DLL1: variants seen among roughly 807,000 people sequenced by gnomAD.
DLL1 encodes delta-like protein 1.
In DLL1, 9 loss-of-function variants were observed where a neutral mutation model predicts 75.1. The observed-to-expected ratio is 0.12, with a 90% confidence interval of 0.07 to 0.21. The LOEUF (loss-of-function observed/expected upper bound fraction) is 0.21, where lower values mean the gene tolerates loss of function less well. Ranked by LOEUF, DLL1 falls within the 10% of genes least tolerant of loss-of-function variation. DLL1 has a pLI of 1.00. For synonymous variants in DLL1, 477 were observed against 418.3 expected (o/e 1.14, Z -1.71); for missense variants, 837 against 1,007.6 (o/e 0.83, Z 2.29).
intron 4 of DLL1, among the ~76,000 whole-genome samples, chr6:170,287,759 C>G (rs1335165809): frequency 6.6e-6 from 1 of 152,202 alleles, no homozygotes; most frequent in East Asian, 1.9e-4. Context: ...CAGGGAGTAT[C>G]CGGAAAGGCG....
intron 5 of DLL1, 34 bp from the exon 6 acceptor site, chr6:170,285,733 G>C: frequency 1.2e-6 from 2 of 1,613,856 alleles, no homozygotes; most frequent in Admixed American, 1.7e-5. Flanking sequence ...GATGGACGTT[G>C]ACTGTTGCTG....
At chr6:170,287,272 C>G (rs934489837) in intron 4 of DLL1, among the ~76,000 whole-genome samples, 1 of 152,206 alleles carries the variant, frequency 6.6e-6, no homozygotes, top group Non-Finnish European at 1.5e-5. Flanking sequence ...CCAGGCACTA[C>G]CCAGCTCCTG....
chr6:170,288,921 G>C, intron 2 of DLL1, 132 bp from the exon 3 acceptor site: 1 of 974,290 alleles, frequency 1.0e-6, no homozygotes, highest in Non-Finnish European at 1.6e-6. Flanking sequence ...AGCGTGTCTG[G>C]AGAGGGTCTC....
At chr6:170,285,485 C>A in intron 6 of DLL1, 62 bp from the exon 7 acceptor site, 1 of 1,614,136 alleles carries the variant, frequency 6.2e-7, no homozygotes, top group East Asian at 2.2e-5. Context: ...TGCAGGAAGA[C>A]TTTATTTTTC....
Position 170,285,235 on chromosome 6 carries a change from C to CA in DLL1, c.1032+18dup. On this transcript the variant is annotated intron_variant, in intron 7 of 10. Coordinates refer to ENST00000366756, the MANE Select transcript of DLL1 (RefSeq NM_005618.4). ...GCACCCCAGCTTCCGGGTGAGATGC[C>CA]ATGGAGCCTCCGACTCACCGTGCAG... The CA allele has an allele frequency of 6.2e-7, 1 of 1,614,168 alleles. No homozygotes were observed. The highest frequency in any genetic ancestry group is 8.5e-7 in the Non-Finnish European group (1 of 1,180,034).
intron 2 of DLL1, chr6:170,289,151 T>C (rs1318453851): frequency 1.7e-6 from 1 of 592,052 alleles, no homozygotes. Context: ...GCGGTCGCGC[T>C]GCGCGGGTAA....
In DLL1 at chr6:170,283,366, G is replaced by T. The variant is rs780734657; in HGVS notation, c.1913C>A (p.Ala638Glu). 6.2e-7 allele frequency: 1 copy of T among 1,612,170 alleles called. No homozygotes were observed. Among genetic ancestry groups the T allele is most frequent in the Non-Finnish European group, 8.5e-7 (1 of 1,180,034 alleles). The change falls in exon 9 of 11, where the codon GCG becomes GAG. Residue 638 changes from alanine (A) to glutamate (E), a missense_variant. This residue lies in a region of DLL1 where 533 missense variants were observed against 545.7 expected (regional missense o/e 0.98). Transcript: ENST00000366756. ...GTCCTGCACGAGGTTATAGTCCACC[G>T]CTGGGTAGCGGGCCTTGAAGCCATT... The part of the protein sequence containing the change: ...DKNGFKARYP[A>E]VDYNLVQDLK...
chr6:170,282,921 A>G lies in DLL1; in HGVS notation c.2167-42T>C, dbSNP rs80106486. ...CAAATGGGAAGTTAGCCTGAGACCG[A>G]TTCCCGTGCTCCAGCTTCAGGTGCT... On this transcript the variant is annotated intron_variant, in intron 10 of 10. Coordinates refer to ENST00000366756, the MANE Select transcript of DLL1 (RefSeq NM_005618.4). 5.0e-3 allele frequency: 8,082 copies of G among 1,614,200 alleles called. 325 individuals carry two copies. The African/African-American group carries it at 0.092, about 18-fold the overall frequency.
intron 4 of DLL1, 138 bp from the exon 5 acceptor site, chr6:170,286,436 A>G (rs1438767927): frequency 9.4e-7 from 1 of 1,063,314 alleles, no homozygotes; most frequent in East Asian, 2.4e-5. Context: ...GTTGTGGAGG[A>G]CTGACCCCCC....
intron 1 of DLL1, 57 bp from the exon 2 acceptor site, chr6:170,289,865 T>C: frequency 6.6e-7 from 1 of 1,521,472 alleles, no homozygotes; most frequent in Non-Finnish European, 8.9e-7. Flanking sequence ...CTAGGGGGCG[T>C]GAGGCCTGGG....
chr6:170,288,102 T>C (rs1177610094), intron 4 of DLL1, 137 bp downstream of exon 4: 1 of 1,339,288 alleles, frequency 7.5e-7, no homozygotes, highest in African/African-American at 1.4e-5. Flanking sequence ...AGCAATCCAC[T>C]TCTGTCCTCT....
chr6:170,283,700 G>C lies in DLL1; in HGVS notation c.1579C>G (p.Pro527Ala). ...TTCTCAGTGAGGTCCACCACCGCTG[G>C]GCCCGGGGGCAGCTCGGGGAGCAGG... is the stretch of plus-strand genomic sequence containing the variant. Reference protein sequence around the residue: ...QFLLPELPPGPAVVDLTEKLE... With the variant: ...QFLLPELPPGAAVVDLTEKLE... Residue 527 changes from proline (P) to alanine (A), a missense_variant, in exon 9 of 11, where the codon CCA (proline) becomes GCA (alanine). Physicochemically the swap from Pro to Ala is conservative, Grantham distance 27. Transcript: ENST00000366756. The C allele has an allele frequency of 6.4e-7, 1 of 1,556,322 alleles. No individual in the cohort carries two copies.
Position 170,283,006 on chromosome 6 carries a change from C to T in DLL1, c.2148G>A (p.Glu716=). ...CACTGACCTCAGTTGCTATGACGCA[C>T]TCATCCTTCTCCTCGGATATGACGT... ...SVYVISEEKD[E]CVIATEV is the part of the protein sequence containing the mutation. Residue 716 remains glutamate (E), a synonymous_variant, in exon 10 of 11, where the codon GAG becomes GAA. Coordinates refer to ENST00000366756, the MANE Select transcript of DLL1 (RefSeq NM_005618.4). 6.2e-7 allele frequency: 1 copy of T among 1,614,186 alleles called. No homozygotes were observed. Among genetic ancestry groups the T allele is most frequent in the Admixed American group, 1.7e-5 (1 of 60,030 alleles).
rs1368731229 is a variant in DLL1 at position 170,290,929 on chromosome 6, G to A, written c.-790C>T. On this transcript the variant is annotated 5_prime_UTR_variant, in exon 1 of 11. Coordinates refer to ENST00000366756, the MANE Select transcript of DLL1 (RefSeq NM_005618.4). This position sits in a 1 kb window ranked among gnomAD's most constrained non-coding sequence, Gnocchi z 4.7. ...CTCCGCGGGTGCGCGCAGAGGATCT[G>A]GCTCTCGCCGGCGCCTGCCGCCCTT... 1 of 698,092 alleles carries A rather than the reference G, an allele frequency of 1.4e-6. No homozygotes were observed. The highest frequency in any genetic ancestry group is 2.0e-5 in the Admixed American group (1 of 49,864). The allele number at this position is 698,092 out of a possible 1,614,324, so 43.2% of individuals were successfully genotyped here. A position where few individuals can be genotyped will look rare whatever the true frequency, so the allele number is the denominator to read the frequency against.
intron 2 of DLL1, 88 bp from the exon 3 acceptor site, chr6:170,288,877 A>G: frequency 1.4e-6 from 2 of 1,453,038 alleles, no homozygotes; most frequent in Non-Finnish European, 1.9e-6. Context: ...CAGCCAGGTC[A>G]GCAACAGAGG....
rs969801924 is a variant in DLL1 at position 170,283,710 on chromosome 6, C to T, written c.1569G>A (p.Leu523=). ...GPNCQFLLPE[L]PPGPAVVDLT... ...GGTCCACCACCGCTGGGCCCGGGGG[C>T]AGCTCGGGGAGCAGGAACTGGCAGT... is the stretch of plus-strand genomic sequence containing the variant. Residue 523 remains leucine (L), a synonymous_variant, in exon 9 of 11, where the codon CTG becomes CTA. Transcript: ENST00000366756. The T allele has an allele frequency of 6.4e-6, 10 of 1,551,620 alleles. No homozygotes were observed. Among genetic ancestry groups the T allele is most frequent in the Non-Finnish European group, 3.5e-6 (4 of 1,148,328 alleles).
In DLL1 at chr6:170,283,244, T is replaced by C. The variant is rs1428845419; in HGVS notation, c.2035A>G (p.Thr679Ala). ...GSSGEEKGTP[T>A]TLRGGEASER... Reference sequence around the variant, plus strand: ...CGCAGCACGCACCCCCTGAGTGTGGTCGGGGTCCCCTTCTCCTCCCCTGAG... The same window carrying C: ...CGCAGCACGCACCCCCTGAGTGTGGCCGGGGTCCCCTTCTCCTCCCCTGAG... Residue 679 changes from threonine to alanine, a missense_variant, in exon 9 of 11, where the codon ACC (threonine) becomes GCC (alanine). Around this residue, in one of 2 missense-constraint regions of DLL1, gnomAD observed 533 missense variants for 545.7 expected, o/e 0.98. Coordinates refer to ENST00000366756, the MANE Select transcript of DLL1 (RefSeq NM_005618.4). The C allele has an allele frequency of 1.2e-6, 2 of 1,612,638 alleles. No homozygotes were observed. The highest frequency in any genetic ancestry group is 2.2e-5 in the East Asian group (1 of 44,846).
chr6:170,289,865 T>G (rs1489923994), intron 1 of DLL1, 57 bp from the exon 2 acceptor site: 1 of 1,521,354 alleles, frequency 6.6e-7, no homozygotes, highest in Admixed American at 2.0e-5. Context: ...CTAGGGGGCG[T>G]GAGGCCTGGG....
chr6:170,284,178 A>C, intron 8 of DLL1, 149 bp from the exon 9 acceptor site: 2 of 1,048,382 alleles, frequency 1.9e-6, no homozygotes, highest in Admixed American at 4.0e-5. Flanking sequence ...GCAAGGTGAC[A>C]TGGTTTAGGA....
Sources: gnomAD v4.1 joint callset for allele counts (sites outside exome capture counted in the v4.1 genomes callset) on GRCh38, gnomAD v4.1.1 for gene constraint, gnomAD v4.1.1 regional missense constraint, Gnocchi (gnomAD v3.1) non-coding constraint, MANE v1.5 for transcripts, NCBI Gene and HGNC (gene_info 2026-07-23, HGNC 2026-07-21) for gene names.